ACKR3: variants seen among roughly 807,000 people sequenced by gnomAD.
ACKR3 encodes the protein C-X-C chemokine receptor type 7.
Under a neutral mutation model 22.4 loss-of-function variants are expected in ACKR3, and 6 were observed. The ratio of observed to expected loss-of-function variants is 0.27; its 90% confidence interval spans 0.15 to 0.53. The LOEUF (loss-of-function observed/expected upper bound fraction) is 0.53, where lower values mean the gene tolerates loss of function less well. Among genes scored for constraint, ACKR3 ranks in the 20% least tolerant of loss-of-function variants. The pLI is 0.96. For synonymous variants in ACKR3, 209 were observed against 205.2 expected (o/e 1.02, Z -0.16); for missense variants, 396 against 475.2 (o/e 0.83, Z 1.55).
chr2:236,549,467 T>G, the ACKR3 span, among the ~76,000 whole-genome samples: 2 of 152,232 alleles, frequency 1.3e-5, no homozygotes, highest in Admixed American at 6.5e-5. This position sits in a 1 kb window ranked among gnomAD's most constrained non-coding sequence, Gnocchi z 5.3. Context: ...TGAGGTGGCA[T>G]GTCTGTCTCT....
At chr2:236,567,224 C>G (rs1289991873), upstream of ACKR3, among the ~76,000 whole-genome samples, 1 of 152,232 alleles carries the variant, frequency 6.6e-6, no homozygotes, top group Admixed American at 6.5e-5. Flanking sequence ...TGGTCTCGAA[C>G]TCCCGACCTC....
chr2:236,565,906 C>T (rs1481951555), upstream of ACKR3, among the ~76,000 whole-genome samples: 1 of 152,170 alleles, frequency 6.6e-6, no homozygotes, highest in African/African-American at 2.4e-5. Context: ...GAAATGACTC[C>T]TGCCATGCCC....
intron 1 of ACKR3, among the ~76,000 whole-genome samples, chr2:236,572,751 G>C (rs75047142): frequency 6.6e-6 from 1 of 152,172 alleles, no homozygotes; most frequent in Non-Finnish European, 1.5e-5. Context: ...CTTCCCTGTC[G>C]GGCAGCTGAG....
chr2:236,555,834 A>G, the ACKR3 span, among the ~76,000 whole-genome samples: 1 of 149,306 alleles, frequency 6.7e-6, no homozygotes, highest in Admixed American at 6.6e-5. Flanking sequence ...AAAAAAAAAA[A>G]AAGAAGCAGG....
intron 1 of ACKR3, among the ~76,000 whole-genome samples, chr2:236,572,695 T>C (rs577858250): frequency 6.6e-6 from 1 of 152,176 alleles, no homozygotes; most frequent in African/African-American, 2.4e-5. Flanking sequence ...ACGGCAGCCT[T>C]TGTGACGTGG....
chr2:236,563,457 A>G (rs1174835102), upstream of ACKR3, among the ~76,000 whole-genome samples: 1 of 148,830 alleles, frequency 6.7e-6, no homozygotes, highest in Non-Finnish European at 1.5e-5. Flanking sequence ...TAGGATAAGA[A>G]GAGAGTAACT....
the ACKR3 span, among the ~76,000 whole-genome samples, chr2:236,557,202 G>A: frequency 6.6e-6 from 1 of 152,094 alleles, no homozygotes; most frequent in African/African-American, 2.4e-5. Context: ...AGATGCTGGT[G>A]GGAACCAATT....
At position 236,580,674 on chromosome 2, in the gene ACKR3, T is replaced by A. The variant is rs1235181112; in HGVS notation, c.209T>A (p.Ile70Asn). ...IANSVVVWVN[I>N]QAKTTGYDTH... ...AACTCCGTGGTGGTCTGGGTGAATA[T>A]CCAGGCCAAGACCACAGGCTATGAC... The change falls in exon 2 of 2, where the codon ATC (isoleucine) becomes AAC (asparagine). Residue 70 changes from isoleucine to asparagine, a missense_variant. Physicochemically the swap from Ile to Asn is moderately radical, Grantham distance 149 (BLOSUM62 -3). Transcript: ENST00000272928. The A allele has an allele frequency of 1.2e-6, 2 of 1,614,018 alleles. No individual in the cohort carries two copies. Among genetic ancestry groups the A allele is most frequent in the East Asian group, 4.5e-5 (2 of 44,886 alleles).
In ACKR3 at chr2:236,574,565, G is replaced by A. The variant is rs1691369620; in HGVS notation, c.-27+4641G>A. Reference sequence around the variant, plus strand: ...AAACATGTGGAAGGGAGTTTGGAGGGACACTGGCCAGGTGCCTGAACACGT... The same window carrying A: ...AAACATGTGGAAGGGAGTTTGGAGGAACACTGGCCAGGTGCCTGAACACGT... On this transcript the variant is annotated intron_variant, in intron 1 of 1. Transcript: ENST00000272928. The surrounding 1 kb of genome is among the most constrained non-coding windows in gnomAD (Gnocchi z 5.6). 6.6e-6 allele frequency among the ~76,000 whole-genome samples: 1 copy of A among 152,150 alleles called. No individual in the cohort carries two copies. The highest frequency in any genetic ancestry group is 2.4e-5 in the African/African-American group (1 of 41,432).
the ACKR3 span, among the ~76,000 whole-genome samples, chr2:236,550,200 G>GAT: frequency 2.0e-5 from 3 of 152,286 alleles, no homozygotes; most frequent in Admixed American, 6.5e-5. The surrounding 1 kb of genome is among the most constrained non-coding windows in gnomAD (Gnocchi z 4.6). Context: ...CAGTGAAGGC[G>GAT]GTGTGTGAGG....
intron 1 of ACKR3, among the ~76,000 whole-genome samples, chr2:236,576,348 C>T (rs928422700): frequency 3.9e-5 from 6 of 152,174 alleles, no homozygotes; most frequent in African/African-American, 1.2e-4. Flanking sequence ...GCAGTCAGCT[C>T]TTTCTGTATG....
At chr2:236,576,628 C>T (rs1691416052) in intron 1 of ACKR3, among the ~76,000 whole-genome samples, 1 of 152,250 alleles carries the variant, frequency 6.6e-6, no homozygotes, top group South Asian at 2.1e-4. Flanking sequence ...AGTGGACGCA[C>T]AACCATCAGT....
Position 236,580,813 on chromosome 2 carries a change from G to T in ACKR3, c.348G>T (p.Thr116=), listed in dbSNP as rs528077974. ...ACCAGTGGCCCATGGGCGAGCTCACGTGCAAAGTCACACACCTCATCTTCT... is the reference window on the plus strand; with the variant it reads ...ACCAGTGGCCCATGGGCGAGCTCACTTGCAAAGTCACACACCTCATCTTCT... ...QHNQWPMGEL[T]CKVTHLIFSI... is the part of the protein sequence containing the mutation. The change falls in exon 2 of 2, where the codon ACG becomes ACT. Residue 116 remains threonine, a synonymous_variant. Transcript: ENST00000272928. The T allele has an allele frequency of 1.2e-6, 2 of 1,614,202 alleles. No homozygotes were observed. Among genetic ancestry groups the T allele is most frequent in the East Asian group, 2.2e-5 (1 of 44,876 alleles).
At chr2:236,549,240 C>A in the ACKR3 span, among the ~76,000 whole-genome samples, 19 of 152,312 alleles carry the variant, frequency 1.2e-4, no homozygotes, top group East Asian at 1.2e-3. This position sits in a 1 kb window ranked among gnomAD's most constrained non-coding sequence, Gnocchi z 5.3. Flanking sequence ...GTAGAGTGAG[C>A]GGAAAGGGAG....
chr2:236,543,728 G>T, the ACKR3 span, among the ~76,000 whole-genome samples: 2 of 151,964 alleles, frequency 1.3e-5, no homozygotes, highest in South Asian at 4.2e-4. Flanking sequence ...ACCTTGGATG[G>T]TCACTTGTAT....
the ACKR3 span, among the ~76,000 whole-genome samples, chr2:236,561,453 G>A: frequency 1.3e-5 from 2 of 150,426 alleles, no homozygotes; most frequent in Non-Finnish European, 3.0e-5. Context: ...ACTGTCGTTT[G>A]TTAAATCTAT....
intron 1 of ACKR3, among the ~76,000 whole-genome samples, chr2:236,572,109 TAGAC>T (rs1431562692): frequency 6.6e-6 from 1 of 152,052 alleles, no homozygotes; most frequent in Non-Finnish European, 1.5e-5. Context: ...AAGCCAGAAA[TAGAC>T]AGATCAGGAC....
At chr2:236,561,585 G>T in the ACKR3 span, among the ~76,000 whole-genome samples, 1 of 151,970 alleles carries the variant, frequency 6.6e-6, no homozygotes, top group African/African-American at 2.4e-5. Context: ...TCCGCCTCCT[G>T]GGTTCAAGCG....
rs569198092 is a variant in ACKR3, at chr2:236,580,664, T to C, written c.199T>C (p.Trp67Arg). 1.2e-6 allele frequency: 2 copies of C among 1,614,208 alleles called. No individual in the cohort carries two copies. Among genetic ancestry groups the C allele is most frequent in the Admixed American group, 1.7e-5 (1 of 60,026 alleles). The change falls in exon 2 of 2, where the codon TGG becomes CGG. Residue 67 changes from tryptophan (W) to arginine (R), a missense_variant. Physicochemically the swap from Trp to Arg is moderately radical, Grantham distance 101 (BLOSUM62 -3). Transcript: ENST00000272928. Reference sequence around the variant, plus strand: ...CATGATTGCCAACTCCGTGGTGGTCTGGGTGAATATCCAGGCCAAGACCAC... The same window carrying C: ...CATGATTGCCAACTCCGTGGTGGTCCGGGTGAATATCCAGGCCAAGACCAC... Reference protein sequence around the residue: ...IGMIANSVVVWVNIQAKTTGY... With the variant: ...IGMIANSVVVRVNIQAKTTGY...
Sources: allele counts gnomAD v4.1 joint callset (sites outside exome capture counted in the v4.1 genomes callset), GRCh38; gene constraint gnomAD v4.1.1; non-coding constraint Gnocchi (gnomAD v3.1); transcripts MANE v1.5; gene names NCBI Gene and HGNC (gene_info 2026-07-23, HGNC 2026-07-21).